Variants in LIG3 observed in about 807,000 individuals in gnomAD.
LIG3 encodes ligase II, DNA, ATP-dependent.
Under a neutral mutation model 110.9 loss-of-function variants are expected in LIG3, and 58 were observed. The ratio of observed to expected loss-of-function variants is 0.52; its 90% CI spans 0.42 to 0.65. LIG3 has a LOEUF of 0.65. Ranked by LOEUF, LIG3 falls within the 30% of genes least tolerant of loss-of-function variation. The pLI, the probability that LIG3 is intolerant of heterozygous loss-of-function variation, is 0.00. For missense variants in LIG3, 1,094 were observed against 1,273.8 expected (o/e 0.86, Z 2.15); for synonymous variants, 422 against 472.8 (o/e 0.89, Z 1.39).
rs2090739641 is a variant in LIG3 at position 34,992,821 on chromosome 17, G to A, written c.1455+129G>A. 5.6e-6 allele frequency: 5 copies of A among 900,330 alleles called. No homozygotes were observed. The Admixed American group carries it at 1.1e-4, about 19-fold the overall frequency. The allele number at this position is 900,330 out of a possible 1,614,324, so 55.8% of individuals were successfully genotyped here. A position where few individuals can be genotyped will look rare whatever the true frequency, so the allele number is the denominator to read the frequency against. ...CTGGAGAAGTTTAGGGAAGGAAGAG[G>A]GAGGTGCAAGGGGGTATTTCTCTGT... On this transcript the variant is annotated intron_variant, in intron 8 of 19. Transcript: ENST00000378526.
Position 34,992,023 on chromosome 17 carries a change from G to A in LIG3, c.1274G>A (p.Gly425Asp), listed in dbSNP as rs1224551621. The stretch of plus-strand genomic sequence containing the variant: ...AAACATGATCTGAAGATGAACTCAG[G>A]TGCAAAACATGTGTAAGTAGCAGCT... ...LIKHDLKMNS[G>D]AKHVLDALDP... The change falls in exon 7 of 20, where the codon GGT becomes GAT. Residue 425 changes from glycine (G) to aspartate (D), a missense_variant. Coordinates refer to ENST00000378526, the MANE Select transcript of LIG3 (RefSeq NM_013975.4). 1 of 1,613,564 alleles carries A rather than the reference G, an allele frequency of 6.2e-7. No individual in the cohort carries two copies. The highest frequency in any genetic ancestry group is 8.5e-7 in the Non-Finnish European group (1 of 1,179,522).
chr17:34,998,983 A>G (rs1294650501), intron 14 of LIG3: 2 of 516,118 alleles, frequency 3.9e-6, no homozygotes, highest in Non-Finnish European at 6.8e-6. Flanking sequence ...AGGGCCTGAC[A>G]GCTTTCTCCT....
In LIG3 at chr17:35,009,077, T is replaced by TATCA. The variant is rs1375129421; in HGVS notation, c.*4573_*4576dup. ...CACTGTCAGGCTCTTTTGTCAGTCC[T>TATCA]ATCAACCTCTAACATCCTCGCACCA... On this transcript the variant is annotated 3_prime_UTR_variant, in exon 20 of 20. Transcript: ENST00000378526. The TATCA allele has an allele frequency of 1.3e-5, 2 of 152,810 alleles. No individual in the cohort carries two copies. The highest frequency in any genetic ancestry group is 1.9e-4 in the East Asian group (1 of 5,194). 9.5% of individuals were successfully genotyped at this position (152,810 alleles called of 1,614,324 possible).
At chr17:34,987,390 G>T (rs990957850) in intron 3 of LIG3, among the ~76,000 whole-genome samples, 1 of 152,168 alleles carries the variant, frequency 6.6e-6, no homozygotes, top group African/African-American at 2.4e-5. Context: ...GACGTTCAGG[G>T]TTATCATGGA....
chr17:35,002,813 C>T, intron 19 of LIG3, 24 bp downstream of exon 19: 1 of 1,579,196 alleles, frequency 6.3e-7, no homozygotes, highest in East Asian at 2.2e-5. Context: ...CAGCAACACA[C>T]CACGTGGGCC....
At chr17:34,998,470 A>G (rs888541534) in intron 13 of LIG3, 134 bp from the exon 14 acceptor site, 1 of 1,197,502 alleles carries the variant, frequency 8.4e-7, no homozygotes, top group African/African-American at 1.5e-5. Context: ...TGTCTCCTAT[A>G]GTGCCTGGAG....
At chr17:34,992,734 G>C (rs1197001222) in intron 8 of LIG3, 42 bp downstream of exon 8, 1 of 1,516,752 alleles carries the variant, frequency 6.6e-7, no homozygotes, top group East Asian at 2.3e-5. Context: ...GCCTCTCCAA[G>C]CTCCACATCC....
At chr17:34,987,068 A>G (rs1343042638) in intron 3 of LIG3, among the ~76,000 whole-genome samples, 1 of 152,226 alleles carries the variant, frequency 6.6e-6, no homozygotes, top group Non-Finnish European at 1.5e-5. Flanking sequence ...GATGAACAAT[A>G]AAGTGTTAAG....
intron 10 of LIG3, 135 bp downstream of exon 10, chr17:34,996,330 G>C: frequency 8.7e-7 from 1 of 1,151,386 alleles, no homozygotes; most frequent in Non-Finnish European, 1.2e-6. Context: ...ACCTGTTTCT[G>C]GTTTGGATTT....
rs3833128 is a variant in LIG3, at chr17:35,006,814, G to GC, written c.*2317dup. 22,216 of 145,252 alleles carry GC rather than the reference G, an allele frequency of 0.15. 1,629 individuals are homozygous for GC. Among genetic ancestry groups the GC allele is most frequent in the East Asian group, 0.22 (1,031 of 4,792 alleles). 9.0% of individuals were successfully genotyped at this position (145,252 alleles called of 1,614,324 possible). A position where few individuals can be genotyped will look rare whatever the true frequency, so the allele number is the denominator to read the frequency against. On this transcript the variant is annotated 3_prime_UTR_variant, in exon 20 of 20. Coordinates refer to ENST00000378526, the MANE Select transcript of LIG3 (RefSeq NM_013975.4). ...CACTGCGCCCCCTGGCCACCCCACC[G>GC]CCCCCCCCCAACTTTGATCTGATTG...
At chr17:34,992,397 T>C in intron 7 of LIG3, 127 bp from the exon 8 acceptor site, 3 of 1,081,082 alleles carry the variant, frequency 2.8e-6, no homozygotes, top group Non-Finnish European at 4.0e-6. Flanking sequence ...TGAAAGTCTT[T>C]AGACAATAGA....
intron 19 of LIG3, chr17:35,003,034 G>A (rs1337105824): frequency 6.2e-7 from 1 of 1,614,206 alleles, no homozygotes; most frequent in East Asian, 2.2e-5. Flanking sequence ...AACTGTGCCA[G>A]CAGGCAGGAG....
Position 35,006,348 on chromosome 17 carries a change from C to G in LIG3, c.*1842C>G, listed in dbSNP as rs2090895170. The G allele has an allele frequency of 6.5e-6, 1 of 154,182 alleles. No individual in the cohort carries two copies. Among genetic ancestry groups the G allele is most frequent in the Admixed American group, 6.4e-5 (1 of 15,524 alleles). The allele number at this position is 154,182 out of a possible 1,614,324, so 9.6% of individuals were successfully genotyped here. On this transcript the variant is annotated 3_prime_UTR_variant, in exon 20 of 20. Coordinates refer to ENST00000378526, the MANE Select transcript of LIG3 (RefSeq NM_013975.4). ...TCACATGTCACTAGTGACTACCACA[C>G]TGGACAGTGCAGGTGTAGACGGAGT...
chr17:34,984,813 T>C (rs560014727), intron 2 of LIG3, among the ~76,000 whole-genome samples: 6 of 151,336 alleles, frequency 4.0e-5, no homozygotes, highest in African/African-American at 1.5e-4. Context: ...AGTCTCACTC[T>C]GTGACCCAGG....
chr17:34,989,042 A>C (rs765116011), intron 3 of LIG3, among the ~76,000 whole-genome samples: 1 of 151,660 alleles, frequency 6.6e-6, no homozygotes, highest in East Asian at 1.9e-4. Context: ...GGATCTTACT[A>C]TGTTGCCCAG....
intron 13 of LIG3, 124 bp from the exon 14 acceptor site, chr17:34,998,480 G>T: frequency 4.7e-6 from 6 of 1,269,412 alleles, no homozygotes; most frequent in Non-Finnish European, 6.7e-6. Flanking sequence ...AGTGCCTGGA[G>T]CCTGAGGGCT....
rs750258790 is a variant in LIG3, at chr17:35,004,469, C to A, written c.2993C>A (p.Ala998Glu). The A allele has an allele frequency of 1.2e-6, 2 of 1,614,102 alleles. No homozygotes were observed. Among genetic ancestry groups the A allele is most frequent in the East Asian group, 4.5e-5 (2 of 44,860 alleles). ...CAGGTCTCCCCAGAGTGGATTTGGG[C>A]ATGTATCCGGAAACGGAGACTGGTA... ...AQQVSPEWIW[A>E]CIRKRRLVAP... Residue 998 changes from alanine to glutamate, a missense_variant, in exon 20 of 20, where the codon GCA becomes GAA. Coordinates refer to ENST00000378526, the MANE Select transcript of LIG3 (RefSeq NM_013975.4).
At chr17:34,986,181 G>A (rs755896587) in intron 3 of LIG3, 50 bp downstream of exon 3, 2 of 1,569,402 alleles carry the variant, frequency 1.3e-6, no homozygotes, top group Non-Finnish European at 1.8e-6. Flanking sequence ...CTTTTATTTT[G>A]TATTCTACCT....
chr17:35,010,076 T>A (rs945176485), downstream of LIG3: 10 of 151,730 alleles, frequency 6.6e-5, no homozygotes, highest in African/African-American at 2.5e-4. Flanking sequence ...AGTGTTCAGT[T>A]GACTAGTTTA....
Sources: allele counts gnomAD v4.1 joint callset (sites outside exome capture counted in the v4.1 genomes callset), GRCh38; gene constraint gnomAD v4.1.1; transcripts MANE v1.5; gene names NCBI Gene and HGNC (gene_info 2026-07-23, HGNC 2026-07-21).